GRM5: variants seen among roughly 807,000 people sequenced by gnomAD.
GRM5 encodes the protein glutamate metabotropic receptor 5.
GRM5 carries 19 observed loss-of-function variants against 83.1 expected under a neutral mutation model. The ratio of observed to expected loss-of-function variants is 0.23; its 90% CI spans 0.16 to 0.34. GRM5 has a LOEUF of 0.34. Ranked by LOEUF, GRM5 falls within the 10% of genes least tolerant of loss-of-function variation. GRM5 has a pLI of 1.00. For synonymous variants in GRM5, 675 were observed against 633.6 expected (o/e 1.07, Z -0.98); for missense variants, 1,160 against 1,588.3 (o/e 0.73, Z 4.58).
chr11:88,994,445 TTATATATATATATATATATATATATA>T (rs58154444), intron 2 of GRM5, among the ~76,000 whole-genome samples: 6 of 86,900 alleles, frequency 6.9e-5, no homozygotes, highest in Admixed American at 1.4e-4. Flanking sequence ...CTTTAACTGA[TTATATATATATATATATATATATATA>T]TATATATATA....
At chr11:88,881,226 A>C (rs1356726759) in intron 2 of GRM5, among the ~76,000 whole-genome samples, 1 of 151,994 alleles carries the variant, frequency 6.6e-6, no homozygotes, top group Non-Finnish European at 1.5e-5. Context: ...TAAAAACTTT[A>C]ATTTTTAATG....
At chr11:88,701,620 T>C (rs1028868834) in intron 3 of GRM5, among the ~76,000 whole-genome samples, 3 of 152,184 alleles carry the variant, frequency 2.0e-5, no homozygotes, top group African/African-American at 7.2e-5. Flanking sequence ...GTCATGATTC[T>C]GTCTTATACA....
intron 2 of GRM5, among the ~76,000 whole-genome samples, chr11:88,900,119 G>C (rs1255269194): frequency 2.0e-5 from 3 of 152,064 alleles, no homozygotes. Flanking sequence ...ATGAAGCAGA[G>C]ACAGAAAATT....
At chr11:88,817,666 G>A (rs1177922375) in intron 3 of GRM5, among the ~76,000 whole-genome samples, 2 of 152,022 alleles carry the variant, frequency 1.3e-5, no homozygotes, top group Non-Finnish European at 2.9e-5. Flanking sequence ...CTCCTTGAGG[G>A]AAATATAATA....
At chr11:88,981,389 G>A in intron 2 of GRM5, among the ~76,000 whole-genome samples, 1 of 152,034 alleles carries the variant, frequency 6.6e-6, no homozygotes, top group Non-Finnish European at 1.5e-5. Flanking sequence ...AAACTGTCCA[G>A]ATTAAAATAA....
intron 3 of GRM5, among the ~76,000 whole-genome samples, chr11:88,696,856 T>C (rs1339081223): frequency 6.6e-6 from 1 of 152,198 alleles, no homozygotes; most frequent in Non-Finnish European, 1.5e-5. Flanking sequence ...TTTGATAACT[T>C]ATCACTAAAC....
chr11:88,821,364 A>AAAAC (rs1943790179), intron 3 of GRM5, among the ~76,000 whole-genome samples: 3 of 140,992 alleles, frequency 2.1e-5, no homozygotes, highest in Non-Finnish European at 3.0e-5. Flanking sequence ...AAAAAAAAAG[A>AAAAC]AAAAAGAAAA....
intron 4 of GRM5, among the ~76,000 whole-genome samples, chr11:88,636,598 A>G (rs1227276433): frequency 6.6e-6 from 1 of 152,222 alleles, no homozygotes; most frequent in Non-Finnish European, 1.5e-5. Flanking sequence ...AGGTTTTCTC[A>G]TTAAAAAATA....
intron 3 of GRM5, among the ~76,000 whole-genome samples, chr11:88,785,983 G>A (rs1433579047): frequency 6.6e-6 from 1 of 152,064 alleles, no homozygotes; most frequent in Non-Finnish European, 1.5e-5. Flanking sequence ...CATTCACTTA[G>A]TGTAAAAATC....
chr11:88,972,544 G>A (rs1939199366), intron 2 of GRM5, among the ~76,000 whole-genome samples: 1 of 152,044 alleles, frequency 6.6e-6, no homozygotes, highest in Non-Finnish European at 1.5e-5. Context: ...TAAATTGGGG[G>A]TGGTGCTGGA....
At chr11:88,597,757 T>A (rs1937857362) in intron 5 of GRM5, among the ~76,000 whole-genome samples, 1 of 152,170 alleles carries the variant, frequency 6.6e-6, no homozygotes, top group Non-Finnish European at 1.5e-5. Context: ...TTTCATCTTA[T>A]TTTCAGCTTT....
Position 89,047,483 on chromosome 11 carries a change from C to A in GRM5, c.390G>T (p.Val130=), listed in dbSNP as rs371327681. Residue 130 remains valine (V), a synonymous_variant, in exon 2 of 10, where the codon GTG becomes GTT. Transcript: ENST00000305447. This position sits in a 1 kb window ranked among gnomAD's most constrained non-coding sequence, Gnocchi z 5.1. ...AGCGGAAGGAAGAGGAGGAGCCATC[C>A]ACACAGCGTACCAAGCCTTCTTCCT... ...SEEEEGLVRC[V]DGSSSSFRSK... is the part of the protein sequence containing the mutation. The A allele has an allele frequency of 6.2e-7, 1 of 1,614,206 alleles. No homozygotes were observed.
chr11:88,804,739 A>T (rs954603583), intron 3 of GRM5, among the ~76,000 whole-genome samples: 1 of 152,160 alleles, frequency 6.6e-6, no homozygotes, highest in Non-Finnish European at 1.5e-5. Flanking sequence ...CAAATACTGC[A>T]GGTTCTCACT....
intron 2 of GRM5, among the ~76,000 whole-genome samples, chr11:88,997,987 A>T (rs1372444262): frequency 6.6e-6 from 1 of 151,574 alleles, no homozygotes; most frequent in Admixed American, 6.6e-5. Flanking sequence ...AAAACCAAAG[A>T]AAGTATTCCC....
At chr11:88,607,852 C>G (rs2135236602) in intron 4 of GRM5, among the ~76,000 whole-genome samples, 1 of 152,258 alleles carries the variant, frequency 6.6e-6, no homozygotes, top group East Asian at 1.9e-4. Flanking sequence ...TTGGACTGAC[C>G]AGGTTTTTCT....
intron 3 of GRM5, among the ~76,000 whole-genome samples, chr11:88,843,170 T>G (rs1944234526): frequency 6.6e-6 from 1 of 152,246 alleles, no homozygotes; most frequent in Non-Finnish European, 1.5e-5. Flanking sequence ...TCCAATGGCA[T>G]GGTCTCATTT....
chr11:88,747,390 C>A (rs1007193412), intron 3 of GRM5, among the ~76,000 whole-genome samples: 2 of 152,034 alleles, frequency 1.3e-5, no homozygotes, highest in African/African-American at 4.8e-5. Context: ...AAGATAAATG[C>A]CTGAATTTAG....
chr11:88,583,476 TC>T (rs1307795321), intron 7 of GRM5, among the ~76,000 whole-genome samples: 1 of 152,226 alleles, frequency 6.6e-6, no homozygotes, highest in Admixed American at 6.5e-5. Flanking sequence ...AAGATACATT[TC>T]TTTTATGATT....
intron 1 of GRM5, among the ~76,000 whole-genome samples, chr11:89,057,385 T>C (rs908866813): frequency 2.6e-5 from 4 of 152,150 alleles, no homozygotes; most frequent in Admixed American, 6.6e-5. Flanking sequence ...AACAAGAAAA[T>C]GCAGCATCCC....
Sources: gnomAD v4.1 joint callset for allele counts (sites outside exome capture counted in the v4.1 genomes callset) on GRCh38, gnomAD v4.1.1 for gene constraint, Gnocchi (gnomAD v3.1) non-coding constraint, MANE v1.5 for transcripts, NCBI Gene and HGNC (gene_info 2026-07-23, HGNC 2026-07-21) for gene names.